Variants in CLASP2 observed in about 807,000 individuals in gnomAD.
CLASP2 encodes the protein cytoplasmic linker associated protein 2, also known as CLIP-associating protein 2.
A neutral mutation model predicts 194.4 loss-of-function variants in CLASP2; 47 were observed. The ratio of observed to expected loss-of-function variants is 0.24; its 90% CI spans 0.19 to 0.31. The LOEUF (loss-of-function observed/expected upper bound fraction) is 0.31. Ranked by LOEUF, CLASP2 falls within the 10% of genes least tolerant of loss-of-function variation. The pLI is 1.00. For synonymous variants in CLASP2, 619 were observed against 633.5 expected (o/e 0.98, Z 0.34); for missense variants, 1,445 against 1,823.6 (o/e 0.79, Z 3.78).
intron 34 of CLASP2, among the ~76,000 whole-genome samples, chr3:33,529,904 G>C (rs1384505739): frequency 6.6e-6 from 1 of 150,942 alleles, no homozygotes; most frequent in Non-Finnish European, 1.5e-5. Context: ...TGTGAACCCG[G>C]GAGGCGGAGC....
intron 7 of CLASP2, among the ~76,000 whole-genome samples, chr3:33,660,380 A>C (rs901482274): frequency 2.0e-5 from 3 of 152,182 alleles, no homozygotes; most frequent in Admixed American, 6.5e-5. Flanking sequence ...TGCCTAACTT[A>C]CTTTTACAAT....
chr3:33,590,355 T>C (rs528692688), intron 21 of CLASP2, among the ~76,000 whole-genome samples: 1 of 152,254 alleles, frequency 6.6e-6, no homozygotes, highest in South Asian at 2.1e-4. Context: ...TTCTCAAGAC[T>C]TAACTGTGAT....
At position 33,718,205 on chromosome 3, in the gene CLASP2, C is replaced by T. The variant is rs371625127; in HGVS notation, c.-203G>A. On this transcript the variant is annotated 5_prime_UTR_variant, in exon 1 of 39. Coordinates refer to ENST00000682230, the MANE Select transcript of CLASP2 (RefSeq NM_001365631.1). ...CTAGTCAAACTCGGCGCCCCCCGAT[C>T]CCCAGCCCGCTTCAGAGGCCGCGGC... 5 of 339,746 alleles carry T rather than the reference C, an allele frequency of 1.5e-5. No individual in the cohort carries two copies. The highest frequency in any genetic ancestry group is 2.6e-5 in the Non-Finnish European group (5 of 189,444). The allele number at this position is 339,746 out of a possible 1,614,324, so 21.0% of individuals were successfully genotyped here. A position where few individuals can be genotyped will look rare whatever the true frequency, so the allele number is the denominator to read the frequency against.
At chr3:33,505,402 G>T (rs1257414332) in intron 37 of CLASP2, 1 of 152,048 alleles carries the variant, frequency 6.6e-6, no homozygotes, top group Non-Finnish European at 1.5e-5. Context: ...GTTTCTTACT[G>T]AAAATAAAAA....
intron 21 of CLASP2, among the ~76,000 whole-genome samples, chr3:33,591,111 G>A (rs991565491): frequency 6.6e-6 from 1 of 152,092 alleles, no homozygotes; most frequent in African/African-American, 2.4e-5. Flanking sequence ...AGGAGTTCCT[G>A]GCTTGCAGTG....
chr3:33,711,675 GA>G (rs112686664), intron 1 of CLASP2, among the ~76,000 whole-genome samples: 51,059 of 149,738 alleles, frequency 0.34, 9,131 homozygotes, highest in Admixed American at 0.46. Flanking sequence ...AATCAGCAAG[GA>G]AAAAAAAACC....
In CLASP2 at chr3:33,594,982, A is replaced by G; in HGVS notation, c.1949-14T>C. 1 of 1,427,716 alleles carries G rather than the reference A, an allele frequency of 7.0e-7. No homozygotes were observed. Among genetic ancestry groups the G allele is most frequent in the Admixed American group, 2.4e-5 (1 of 40,918 alleles). 88.4% of individuals were successfully genotyped at this position (1,427,716 alleles called of 1,614,324 possible). A position where few individuals can be genotyped will look rare whatever the true frequency, so the allele number is the denominator to read the frequency against. ...CAGATGCTGTTCCTAAATAAGAAAAATAAAACAACATTTCAACAAATTCTG... is the reference window on the plus strand; with the variant it reads ...CAGATGCTGTTCCTAAATAAGAAAAGTAAAACAACATTTCAACAAATTCTG... On this transcript the variant is annotated splice_polypyrimidine_tract_variant and intron_variant, in intron 19 of 38. Transcript: ENST00000682230.
chr3:33,594,668 T>C (rs1576935312), intron 20 of CLASP2, among the ~76,000 whole-genome samples: 1 of 151,376 alleles, frequency 6.6e-6, no homozygotes, highest in African/African-American at 2.4e-5. Flanking sequence ...AAATGAATTA[T>C]ATGCTTACTT....
intron 29 of CLASP2, chr3:33,558,625 T>C (rs2061339481): frequency 6.6e-6 from 1 of 152,090 alleles, no homozygotes; most frequent in African/African-American, 2.4e-5. Context: ...GTTTTCATAT[T>C]AACTGAAAAA....
chr3:33,612,749 A>C (rs2075410685), intron 12 of CLASP2, among the ~76,000 whole-genome samples: 1 of 152,148 alleles, frequency 6.6e-6, no homozygotes, highest in African/African-American at 2.4e-5. Context: ...GCAGGCTATG[A>C]GATGGAGTTT....
Position 33,560,925 on chromosome 3 carries a change from T to C in CLASP2, c.2813A>G (p.His938Arg), listed in dbSNP as rs2061696107. 6.2e-7 allele frequency: 1 copy of C among 1,613,940 alleles called. No individual in the cohort carries two copies. Among genetic ancestry groups the C allele is most frequent in the Non-Finnish European group, 8.5e-7 (1 of 1,179,840 alleles). Residue 938 changes from histidine to arginine, a missense_variant, in exon 28 of 39, where the codon CAC (histidine) becomes CGC (arginine). Physicochemically the swap from His to Arg is conservative, Grantham distance 29 (BLOSUM62 0). Coordinates refer to ENST00000682230, the MANE Select transcript of CLASP2 (RefSeq NM_001365631.1). Reference protein sequence around the residue: ...LETLVDFIQVHKDDLQDWLFV... With the variant: ...LETLVDFIQVRKDDLQDWLFV... ...CAACCAATCTTGAAGATCATCTTTG[T>C]GGACTTGTATGAAATCCACTAGAGT...
intron 30 of CLASP2, among the ~76,000 whole-genome samples, chr3:33,547,850 G>A (rs978081382): frequency 2.0e-5 from 3 of 148,638 alleles, no homozygotes; most frequent in African/African-American, 7.4e-5. Context: ...GTGCAGTGGT[G>A]TAATCACAGT....
intron 29 of CLASP2, among the ~76,000 whole-genome samples, chr3:33,556,680 A>G (rs1010639484): frequency 6.6e-5 from 10 of 151,972 alleles, no homozygotes; most frequent in African/African-American, 2.4e-4. Flanking sequence ...CAGATGATCC[A>G]CCTACCTTGG....
At chr3:33,593,296 G>T (rs991218850) in intron 20 of CLASP2, among the ~76,000 whole-genome samples, 4 of 152,024 alleles carry the variant, frequency 2.6e-5, no homozygotes, top group African/African-American at 9.7e-5. Context: ...ATTATTGGTG[G>T]GTACTTTGGT....
chr3:33,669,033 T>C (rs1025665760), intron 6 of CLASP2, among the ~76,000 whole-genome samples: 6 of 151,902 alleles, frequency 3.9e-5, no homozygotes, highest in Admixed American at 2.0e-4. Context: ...AAATAAAGAG[T>C]TTCCTCTAAC....
intron 13 of CLASP2, 98 bp downstream of exon 13, chr3:33,611,903 G>C: frequency 1.3e-6 from 1 of 795,336 alleles, no homozygotes; most frequent in Non-Finnish European, 2.0e-6. Context: ...TTTCTGGAAG[G>C]CAAGAAATGA....
Position 33,550,363 on chromosome 3 carries a change from C to G in CLASP2, c.3153+889G>C, listed in dbSNP as rs142446988. Among the ~76,000 whole-genome samples, 90 of 142,852 alleles carry G rather than the reference C, an allele frequency of 6.3e-4. No homozygotes were observed. In the East Asian group the frequency reaches 0.016, roughly 25 times the overall value. 93.7% of individuals were successfully genotyped at this position (142,852 alleles called of 152,430 possible). On this transcript the variant is annotated intron_variant, in intron 30 of 38. Transcript: ENST00000682230. The stretch of plus-strand genomic sequence containing the variant: ...TGAGCCAGTATCATGCCACTGTGCT[C>G]CAGCCTGGGTGAAAAAGCGAGACTG...
intron 34 of CLASP2, among the ~76,000 whole-genome samples, chr3:33,524,957 A>G (rs1469505656): frequency 6.6e-6 from 1 of 152,238 alleles, no homozygotes; most frequent in Admixed American, 6.5e-5. Flanking sequence ...TTAATACAAT[A>G]AAACAACTAC....
chr3:33,581,105 C>T (rs1422589444), intron 23 of CLASP2, among the ~76,000 whole-genome samples: 1 of 145,620 alleles, frequency 6.9e-6, no homozygotes, highest in Admixed American at 6.8e-5. Flanking sequence ...AAACAAAATA[C>T]TAGTTAAAAT....
Sources: gnomAD v4.1 joint callset for allele counts (sites outside exome capture counted in the v4.1 genomes callset) on GRCh38, gnomAD v4.1.1 for gene constraint, MANE v1.5 for transcripts, NCBI Gene and HGNC (gene_info 2026-07-23, HGNC 2026-07-21) for gene names.